Variants in PMPCB observed in about 807,000 individuals in gnomAD.
PMPCB encodes peptidase, mitochondrial processing subunit beta.
PMPCB carries 46 observed loss-of-function variants against 61.5 expected under a neutral mutation model. The observed-to-expected ratio is 0.75, with a 90% CI of 0.59 to 0.96. The LOEUF (loss-of-function observed/expected upper bound fraction) is 0.96. Among genes scored for constraint, PMPCB ranks in the 40% least tolerant of loss-of-function variants. The pLI, the probability that PMPCB is intolerant of heterozygous loss-of-function variation, is 0.00. For synonymous variants in PMPCB, 191 were observed against 201.6 expected, an observed-to-expected ratio of 0.95 and a Z score of 0.44; for missense variants, 590 against 602.4, an observed-to-expected ratio of 0.98 and a Z score of 0.22.
chr7:103,309,327 C>G, intron 8 of PMPCB: 1 of 348,114 alleles, frequency 2.9e-6, no homozygotes, highest in Non-Finnish European at 5.1e-6. Flanking sequence ...ACAGAATTAG[C>G]TAGAAGTACT....
the PMPCB span, among the ~76,000 whole-genome samples, chr7:103,339,705 G>A: frequency 2.0e-5 from 3 of 151,788 alleles, no homozygotes; most frequent in Non-Finnish European, 4.4e-5. Flanking sequence ...AGGTTCAAGC[G>A]ATTCTCCTGT....
chr7:103,324,069 TTA>T (rs1818570593), intron 12 of PMPCB, among the ~76,000 whole-genome samples: 1 of 152,220 alleles, frequency 6.6e-6, no homozygotes, highest in African/African-American at 2.4e-5. Context: ...CTATGTGATT[TTA>T]TGTTTTTGTA....
chr7:103,342,471 AATTTTGT>A, the PMPCB span, among the ~76,000 whole-genome samples: 1 of 151,364 alleles, frequency 6.6e-6, no homozygotes, highest in Non-Finnish European at 1.5e-5. Flanking sequence ...ATGCCCAGCT[AATTTTGT>A]ATTTTTAGTA....
chr7:103,319,398 C>A (rs1818255559), downstream of PMPCB, among the ~76,000 whole-genome samples: 1 of 152,134 alleles, frequency 6.6e-6, no homozygotes, highest in Non-Finnish European at 1.5e-5. Flanking sequence ...GATCGTGCCA[C>A]TGCACTCCAG....
In PMPCB at chr7:103,298,703, T is replaced by G. The variant is rs1484750333; in HGVS notation, c.235T>G (p.Cys79Gly). ...VASEDSGLST[C>G]TVGLWIDAGS... ...TTCGGAAGACTCTGGGCTCTCAACA[T>G]GCACAGTAAGTGACTCAGGCAACCT... is the stretch of plus-strand genomic sequence containing the variant. The change falls in exon 2 of 13, where the codon TGC becomes GGC. Residue 79 changes from cysteine to glycine, a missense_variant. Coordinates refer to ENST00000249269, the MANE Select transcript of PMPCB (RefSeq NM_004279.3). 6.2e-7 allele frequency: 1 copy of G among 1,613,974 alleles called. No individual in the cohort carries two copies. Among genetic ancestry groups the G allele is most frequent in the Non-Finnish European group, 8.5e-7 (1 of 1,179,902 alleles).
At chr7:103,319,684 G>C (rs1422948088), downstream of PMPCB, 11 of 1,597,744 alleles carry the variant, frequency 6.9e-6, no homozygotes, top group Non-Finnish European at 9.4e-6. Context: ...GTAAGCTAAA[G>C]AAAAAAAAAG....
intron 12 of PMPCB, among the ~76,000 whole-genome samples, chr7:103,324,067 T>C (rs1818570427): frequency 6.6e-6 from 1 of 152,240 alleles, no homozygotes; most frequent in Admixed American, 6.5e-5. Flanking sequence ...TTCTATGTGA[T>C]TTTATGTTTT....
intron 4 of PMPCB, among the ~76,000 whole-genome samples, chr7:103,302,081 C>G (rs145667325): frequency 5.9e-5 from 9 of 152,030 alleles, no homozygotes; most frequent in Admixed American, 3.3e-4. Flanking sequence ...ATAGTTTGCT[C>G]AGAATGATGG....
chr7:103,312,917 C>A lies in PMPCB; in HGVS notation c.*646C>A, dbSNP rs765061551. On this transcript the variant is annotated 3_prime_UTR_variant, in exon 13 of 13. Coordinates refer to ENST00000249269, the MANE Select transcript of PMPCB (RefSeq NM_004279.3). Reference sequence around the variant, plus strand: ...ATCACCCAAGCTACAATTTAAAATACAACAATCTATAAACGCTTAAGTCTG... The same window carrying A: ...ATCACCCAAGCTACAATTTAAAATAAAACAATCTATAAACGCTTAAGTCTG... The A allele has an allele frequency of 3.1e-6, 5 of 1,590,298 alleles. 1 individual carries two copies. The South Asian group carries it at 4.6e-5, about 15-fold the overall frequency.
chr7:103,342,607 A>G, the PMPCB span, among the ~76,000 whole-genome samples: 1 of 144,944 alleles, frequency 6.9e-6, no homozygotes, highest in African/African-American at 2.6e-5. Flanking sequence ...ACCCACCTGG[A>G]CAATTTTTTT....
rs1817858806 is a variant in PMPCB, at chr7:103,313,257, G to A, written c.*986G>A. On this transcript the variant is annotated 3_prime_UTR_variant, in exon 13 of 13. Transcript: ENST00000249269. ...ATGAGAGATACATATAGCCCTCTGA[G>A]TGTTAATAAGAGAAAAAATTTCAGA... 1 of 1,353,876 alleles carries A rather than the reference G, an allele frequency of 7.4e-7. No homozygotes were observed. The highest frequency in any genetic ancestry group is 2.0e-5 in the South Asian group (1 of 48,938). 83.9% of individuals were successfully genotyped at this position (1,353,876 alleles called of 1,614,324 possible).
rs955036038 is a variant in PMPCB at position 103,324,612 on chromosome 7, A to G, written c.*1432-4319A>G. On this transcript the variant is annotated intron_variant and NMD_transcript_variant, in intron 12 of 12. Transcript: ENST00000444457. ...TACAATTCTTCAAAAATTATGTACA[A>G]CAGTTCAACAAACAATTTAATTTAT... 9.1e-6 allele frequency: 12 copies of G among 1,324,038 alleles called. No homozygotes were observed. In the East Asian group the frequency reaches 3.2e-4, roughly 36 times the overall value. The allele number at this position is 1,324,038 out of a possible 1,614,324, so 82.0% of individuals were successfully genotyped here.
the PMPCB span, among the ~76,000 whole-genome samples, chr7:103,343,571 G>A: frequency 6.6e-6 from 1 of 152,146 alleles, no homozygotes; most frequent in Admixed American, 6.5e-5. Flanking sequence ...TCAGTTCCTA[G>A]GAAGCTTGAA....
chr7:103,319,713 C>G (rs1818277604), intron 12 of PMPCB: 1 of 1,613,942 alleles, frequency 6.2e-7, no homozygotes, highest in Non-Finnish European at 8.5e-7. Context: ...AAACTTTATC[C>G]TAAGCTCAAG....
the PMPCB span, among the ~76,000 whole-genome samples, chr7:103,342,669 C>T: frequency 1.3e-5 from 2 of 148,986 alleles, no homozygotes; most frequent in Non-Finnish European, 3.0e-5. Context: ...AGTGCAATGG[C>T]GCGATCTTGG....
chr7:103,298,629 A>G lies in PMPCB; in HGVS notation c.161A>G (p.Asn54Ser). 6.2e-7 allele frequency: 1 copy of G among 1,614,032 alleles called. No homozygotes were observed. Among genetic ancestry groups the G allele is most frequent in the Non-Finnish European group, 8.5e-7 (1 of 1,179,878 alleles). ...CAGGCTGCTACCCAAGTTGTTCTGAATGTTCCTGAAACAAGAGTAACATGT... is the reference window on the plus strand; with the variant it reads ...CAGGCTGCTACCCAAGTTGTTCTGAGTGTTCCTGAAACAAGAGTAACATGT... ...STQAATQVVL[N>S]VPETRVTCLE... is the part of the protein sequence containing the mutation. Residue 54 changes from asparagine (N) to serine (S), a missense_variant, in exon 2 of 13, where the codon AAT becomes AGT. Coordinates refer to ENST00000249269, the MANE Select transcript of PMPCB (RefSeq NM_004279.3).
At chr7:103,312,034 G>A (rs747961884) in intron 11 of PMPCB, 22 bp from the exon 12 acceptor site, 1 of 1,607,730 alleles carries the variant, frequency 6.2e-7, no homozygotes, top group South Asian at 1.1e-5. Context: ...ACAGCTGAAT[G>A]ACAGTGTCTT....
chr7:103,320,616 C>G (rs193257775), intron 12 of PMPCB, among the ~76,000 whole-genome samples: 1 of 150,598 alleles, frequency 6.6e-6, no homozygotes, highest in East Asian at 2.0e-4. Context: ...AAAAATTAGC[C>G]GGGCGTGGTC....
downstream of PMPCB, chr7:103,315,891 TA>T (rs771623589): frequency 6.3e-6 from 10 of 1,579,354 alleles, no homozygotes; most frequent in Non-Finnish European, 7.8e-6. Context: ...GAAAAAAATT[TA>T]ATACTTAACA....
Sources: allele counts gnomAD v4.1 joint callset (sites outside exome capture counted in the v4.1 genomes callset), GRCh38; gene constraint gnomAD v4.1.1; transcripts MANE v1.5; gene names NCBI Gene and HGNC (gene_info 2026-07-23, HGNC 2026-07-21).